Variants in FAIM observed in about 807,000 individuals in gnomAD.
FAIM encodes Fas apoptotic inhibitory molecule.
In FAIM, 14 loss-of-function variants were observed where a neutral mutation model predicts 21.2. The ratio of observed to expected loss-of-function variants is 0.66; its 90% confidence interval spans 0.44 to 1.03. The LOEUF (loss-of-function observed/expected upper bound fraction) is 1.03, where lower values mean the gene tolerates loss of function less well. Ranked by LOEUF, FAIM falls within the 50% of genes least tolerant of loss-of-function variation. The pLI, the probability that FAIM is intolerant of heterozygous loss-of-function variation, is 0.00. For missense variants in FAIM, 222 were observed against 247.1 expected (o/e 0.90, Z 0.68); for synonymous variants, 86 against 80.4 (o/e 1.07, Z -0.37).
intron 1 of FAIM, chr3:138,610,940 T>C (rs2042761285): frequency 6.2e-7 from 1 of 1,609,222 alleles, no homozygotes; most frequent in Non-Finnish European, 8.5e-7. Context: ...ACCCTTCCTC[T>C]ATGGCCCATT....
At chr3:138,609,111 G>A in intron 1 of FAIM, 174 bp downstream of exon 1, 1 of 153,370 alleles carries the variant, frequency 6.5e-6, no homozygotes, top group South Asian at 2.0e-4. Flanking sequence ...GGCGGTGTTT[G>A]CGCGGTCGGT....
intron 1 of FAIM, among the ~76,000 whole-genome samples, chr3:138,617,934 ATATATAGTG>A (rs2042845323): frequency 2.0e-5 from 3 of 146,790 alleles, no homozygotes; most frequent in Admixed American, 6.9e-5. Flanking sequence ...TATATTTAGT[ATATATAGTG>A]TATATAGTAA....
intron 4 of FAIM, among the ~76,000 whole-genome samples, chr3:138,625,384 G>T (rs990836170): frequency 2.0e-5 from 3 of 151,732 alleles, no homozygotes; most frequent in African/African-American, 7.3e-5. Context: ...AATTGCTTGA[G>T]CCTGGGAGGC....
intron 4 of FAIM, among the ~76,000 whole-genome samples, chr3:138,626,908 A>G (rs1358803007): frequency 2.0e-5 from 3 of 152,082 alleles, no homozygotes; most frequent in Non-Finnish European, 4.4e-5. Context: ...ATGGTATTTC[A>G]GGGTTGTTTT....
intron 4 of FAIM, among the ~76,000 whole-genome samples, chr3:138,627,942 GAC>G: frequency 6.6e-6 from 1 of 152,132 alleles, no homozygotes; most frequent in Non-Finnish European, 1.5e-5. Flanking sequence ...CTGACCCCCA[GAC>G]TCCTTGTGCA....
chr3:138,610,276 A>C (rs1484591119), intron 1 of FAIM, among the ~76,000 whole-genome samples: 2 of 152,198 alleles, frequency 1.3e-5, no homozygotes, highest in Non-Finnish European at 2.9e-5. Flanking sequence ...TGTTTAAGTC[A>C]TGCTCTGAAA....
At chr3:138,625,094 G>A (rs899439103) in intron 4 of FAIM, among the ~76,000 whole-genome samples, 6 of 151,716 alleles carry the variant, frequency 4.0e-5, no homozygotes, top group African/African-American at 1.5e-4. Context: ...TGAGCCTAGG[G>A]GTTCAAGGTT....
chr3:138,614,540 C>G (rs10804658), intron 1 of FAIM, among the ~76,000 whole-genome samples: 91,756 of 152,104 alleles, frequency 0.6, 28,384 homozygotes, highest in East Asian at 0.98. Context: ...AAAACTGAAG[C>G]CTGGACATTT....
In FAIM at chr3:138,629,034, A is replaced by G. The variant is rs147942374; in HGVS notation, c.407-73A>G. The G allele has an allele frequency of 7.4e-3, 8,692 of 1,173,492 alleles. 246 individuals are homozygous for G. In the Admixed American group the frequency reaches 0.083, roughly 11 times the overall value. 72.7% of individuals were successfully genotyped at this position (1,173,492 alleles called of 1,614,324 possible). A position where few individuals can be genotyped will look rare whatever the true frequency, so the allele number is the denominator to read the frequency against. ...TGGTATATCAATCCTTTCCTAAAGT[A>G]ATAAATAGGAAAAGTTAACTTTATC... On this transcript the variant is annotated intron_variant, in intron 4 of 5. Coordinates refer to ENST00000360570, the MANE Select transcript of FAIM (RefSeq NM_001033031.2).
intron 3 of FAIM, among the ~76,000 whole-genome samples, 175 bp from the exon 4 acceptor site, chr3:138,622,013 C>G (rs943872160): frequency 6.6e-6 from 1 of 152,062 alleles, no homozygotes; most frequent in Non-Finnish European, 1.5e-5. Context: ...AACTCCTGAC[C>G]TCATGATCCG....
At chr3:138,631,511 G>A (rs929267509) in intron 5 of FAIM, among the ~76,000 whole-genome samples, 1 of 152,144 alleles carries the variant, frequency 6.6e-6, no homozygotes, top group Non-Finnish European at 1.5e-5. Flanking sequence ...GAAACTACAT[G>A]TGTTTGGAAA....
chr3:138,609,109 T>TGCGCGGTCGGTGTC (rs2042722161), intron 1 of FAIM, 172 bp downstream of exon 1: 1 of 153,144 alleles, frequency 6.5e-6, no homozygotes. Context: ...CGGGCGGTGT[T>TGCGCGGTCGGTGTC]TGCGCGGTCG....
At chr3:138,630,498 A>T (rs559111269) in intron 5 of FAIM, 44 of 152,278 alleles carry the variant, frequency 2.9e-4, no homozygotes, top group African/African-American at 9.6e-4. Context: ...ACGAAGATGA[A>T]TGCTTTTCTG....
chr3:138,633,156 T>TC lies in FAIM; in HGVS notation c.*78dup. 7.8e-7 allele frequency: 1 copy of TC among 1,276,864 alleles called. No homozygotes were observed. The highest frequency in any genetic ancestry group is 1.1e-6 in the Non-Finnish European group (1 of 935,318). 79.1% of individuals were successfully genotyped at this position (1,276,864 alleles called of 1,614,324 possible). A position where few individuals can be genotyped will look rare whatever the true frequency, so the allele number is the denominator to read the frequency against. ...ATTAAATGTGTTCAGTATGTACTTA[T>TC]CAGTACATTTAGTCTGCAATGTTTT... On this transcript the variant is annotated 3_prime_UTR_variant, in exon 6 of 6. Coordinates refer to ENST00000360570, the MANE Select transcript of FAIM (RefSeq NM_001033031.2).
intron 4 of FAIM, among the ~76,000 whole-genome samples, chr3:138,627,934 G>A (rs2042957055): frequency 1.3e-5 from 2 of 152,102 alleles, no homozygotes; most frequent in East Asian, 3.9e-4. Flanking sequence ...CCTCAAACCT[G>A]ACCCCCAGAC....
chr3:138,627,853 G>A (rs1284065253), intron 4 of FAIM, among the ~76,000 whole-genome samples: 1 of 152,108 alleles, frequency 6.6e-6, no homozygotes, highest in Non-Finnish European at 1.5e-5. Context: ...TCAAGGTATG[G>A]GGAGAGAAAG....
chr3:138,631,438 T>G (rs2043004340), intron 5 of FAIM, among the ~76,000 whole-genome samples: 1 of 152,152 alleles, frequency 6.6e-6, no homozygotes, highest in Non-Finnish European at 1.5e-5. Flanking sequence ...GGAATGTTGT[T>G]GTGGTTGTAA....
chr3:138,633,170 C>T lies in FAIM; in HGVS notation c.*91C>T. 4 of 1,112,762 alleles carry T rather than the reference C, an allele frequency of 3.6e-6. No individual in the cohort carries two copies. In the South Asian group the frequency reaches 8.2e-5, roughly 23 times the overall value. The allele number at this position is 1,112,762 out of a possible 1,614,324, so 68.9% of individuals were successfully genotyped here. On this transcript the variant is annotated 3_prime_UTR_variant, in exon 6 of 6. Transcript: ENST00000360570. Reference sequence around the variant, plus strand: ...GTATGTACTTATCAGTACATTTAGTCTGCAATGTTTTAATTTTTTAAAAAG... The same window carrying T: ...GTATGTACTTATCAGTACATTTAGTTTGCAATGTTTTAATTTTTTAAAAAG...
chr3:138,629,191 T>TG (rs773743282), intron 5 of FAIM, 35 bp downstream of exon 5: 1 of 1,526,632 alleles, frequency 6.6e-7, no homozygotes, highest in South Asian at 1.1e-5. Flanking sequence ...AAGTGCCATG[T>TG]GTCTCAGTTA....
Sources: allele counts gnomAD v4.1 joint callset (sites outside exome capture counted in the v4.1 genomes callset), GRCh38; gene constraint gnomAD v4.1.1; transcripts MANE v1.5; gene names NCBI Gene and HGNC (gene_info 2026-07-23, HGNC 2026-07-21).